RAD21: variants seen among roughly 807,000 people sequenced by gnomAD.
RAD21 encodes double-strand-break repair protein rad21 homolog.
Under a neutral mutation model 71.5 loss-of-function variants are expected in RAD21, and 18 were observed. The ratio of observed to expected loss-of-function variants is 0.25; its 90% CI spans 0.17 to 0.37. The LOEUF (loss-of-function observed/expected upper bound fraction) is 0.37. Ranked by LOEUF, RAD21 falls within the 10% of genes least tolerant of loss-of-function variation. RAD21 has a pLI of 1.00. For missense variants in RAD21, 493 were observed against 769.1 expected (o/e 0.64, Z 4.25); for synonymous variants, 248 against 254.0 (o/e 0.98, Z 0.22).
chr8:116,862,573 C>T (rs1436208507), intron 3 of RAD21, among the ~76,000 whole-genome samples: 2 of 151,950 alleles, frequency 1.3e-5, no homozygotes, highest in East Asian at 1.9e-4. Flanking sequence ...TAATAAAATA[C>T]ACATTATTTT....
Position 116,854,358 on chromosome 8 carries a change from T to C in RAD21, c.1048A>G (p.Thr350Ala), listed in dbSNP as rs755883894. Reference protein sequence around the residue: ...QLSDYSDIVTTLDLAPPTKKL... With the variant: ...QLSDYSDIVTALDLAPPTKKL... ...TTGGTGGGCGGTGCCAGATCCAAAG[T>C]AGTAACAATATCTGAATAATCACTA... The change falls in exon 9 of 14, where the codon ACT becomes GCT. Residue 350 changes from threonine (T) to alanine (A), a missense_variant. Physicochemically the swap from Thr to Ala is moderately conservative, Grantham distance 58. Coordinates refer to ENST00000297338, the MANE Select transcript of RAD21 (RefSeq NM_006265.3). 1 of 1,613,914 alleles carries C rather than the reference T, an allele frequency of 6.2e-7. No homozygotes were observed. The highest frequency in any genetic ancestry group is 1.7e-5 in the Admixed American group (1 of 59,976).
intron 4 of RAD21, among the ~76,000 whole-genome samples, chr8:116,859,184 T>C (rs1296418616): frequency 6.6e-6 from 1 of 151,996 alleles, no homozygotes; most frequent in Non-Finnish European, 1.5e-5. Context: ...CTTGTTTTAC[T>C]GCACTTTGTT....
intron 11 of RAD21, 178 bp downstream of exon 11, chr8:116,851,770 G>C: frequency 1.8e-6 from 1 of 542,456 alleles, no homozygotes; most frequent in Non-Finnish European, 3.1e-6. Flanking sequence ...CCGACTCCCA[G>C]AACATATTCT....
intron 9 of RAD21, among the ~76,000 whole-genome samples, 169 bp from the exon 10 acceptor site, chr8:116,852,877 G>A (rs919578572): frequency 3.3e-5 from 5 of 151,904 alleles, no homozygotes; most frequent in Non-Finnish European, 7.4e-5. Context: ...TTTTAAATGA[G>A]TTTTCAAATT....
chr8:116,862,271 A>T (rs993267487), intron 3 of RAD21, among the ~76,000 whole-genome samples: 3 of 152,096 alleles, frequency 2.0e-5, no homozygotes, highest in African/African-American at 7.2e-5. Flanking sequence ...TAAATGTTAA[A>T]AGGAGCTGGT....
chr8:116,847,254 AATC>A lies in RAD21; in HGVS notation c.*243_*245del. The A allele has an allele frequency of 2.4e-6, 1 of 422,476 alleles. No individual in the cohort carries two copies. Among genetic ancestry groups the A allele is most frequent in the Non-Finnish European group, 4.2e-6 (1 of 236,828 alleles). The allele number at this position is 422,476 out of a possible 1,614,324, so 26.2% of individuals were successfully genotyped here. Reference sequence around the variant, plus strand: ...GCACACATCTGTTCTGAACTGTTAAAATCATCTTCTGAGTCCTTGGGGTGCTGT... The same window carrying A: ...GCACACATCTGTTCTGAACTGTTAAAATCTTCTGAGTCCTTGGGGTGCTGT... On this transcript the variant is annotated 3_prime_UTR_variant, in exon 14 of 14. Coordinates refer to ENST00000297338, the MANE Select transcript of RAD21 (RefSeq NM_006265.3).
Position 116,856,756 on chromosome 8 carries a change from C to T in RAD21, c.704G>A (p.Ser235Asn), listed in dbSNP as rs1307342721. 1 of 1,528,276 alleles carries T rather than the reference C, an allele frequency of 6.5e-7. No individual in the cohort carries two copies. Among genetic ancestry groups the T allele is most frequent in the Non-Finnish European group, 8.8e-7 (1 of 1,135,634 alleles). The allele number at this position is 1,528,276 out of a possible 1,614,324, so 94.7% of individuals were successfully genotyped here. ...DGGILDDKLI[S>N]NNDGGIFDDP... is the part of the protein sequence containing the mutation. ...ATCAAAGATACCGCCATCATTATTACTAATAAGTTTGTCATCTGAAATAGG... is the reference window on the plus strand; with the variant it reads ...ATCAAAGATACCGCCATCATTATTATTAATAAGTTTGTCATCTGAAATAGG... The change falls in exon 7 of 14, where the codon AGT becomes AAT. Residue 235 changes from serine (S) to asparagine (N), a missense_variant. Transcript: ENST00000297338.
chr8:116,849,145 G>A, intron 12 of RAD21, 116 bp from the exon 13 acceptor site: 2 of 655,354 alleles, frequency 3.1e-6, no homozygotes, highest in Non-Finnish European at 4.9e-6. Flanking sequence ...TGAACTAATA[G>A]AAAACTGTAC....
chr8:116,856,088 C>G, intron 8 of RAD21, 78 bp downstream of exon 8: 1 of 1,461,950 alleles, frequency 6.8e-7, no homozygotes, highest in Non-Finnish European at 9.2e-7. Context: ...ACAACAGTAG[C>G]AGATCAGTAG....
intron 3 of RAD21, 146 bp from the exon 4 acceptor site, chr8:116,862,086 T>C: frequency 1.8e-6 from 1 of 567,312 alleles, no homozygotes; most frequent in East Asian, 2.9e-5. Context: ...CACAAGTACT[T>C]CTCTTTTTCC....
At chr8:116,849,335 T>C in intron 12 of RAD21, 1 of 298,344 alleles carries the variant, frequency 3.4e-6, no homozygotes, top group Non-Finnish European at 6.1e-6. Flanking sequence ...CTGCTGATCA[T>C]GGAGGTTTTG....
Position 116,857,352 on chromosome 8 carries a change from A to C in RAD21, c.603T>G (p.Asn201Lys). 1 of 1,612,774 alleles carries C rather than the reference A, an allele frequency of 6.2e-7. No homozygotes were observed. The highest frequency in any genetic ancestry group is 8.5e-7 in the Non-Finnish European group (1 of 1,179,558). Residue 201 changes from asparagine to lysine, a missense_variant, in exon 6 of 14, where the codon AAT becomes AAG. By Grantham distance (94) the Asn-to-Lys change is moderately conservative. Coordinates refer to ENST00000297338, the MANE Select transcript of RAD21 (RefSeq NM_006265.3). ...CTAAATGGTTAATTTTCTCATTCAG[A>C]TTGCTGGTGCTCTGTTCAGACTCTA... ...LLLESEQSTS[N>K]LNEKINHLEY...
chr8:116,860,311 G>A (rs1812563524), intron 4 of RAD21, among the ~76,000 whole-genome samples: 1 of 152,176 alleles, frequency 6.6e-6, no homozygotes, highest in African/African-American at 2.4e-5. Context: ...GGTTGATAAA[G>A]CAGTGGTAGG....
At chr8:116,854,610 G>A (rs1036940868) in intron 8 of RAD21, 142 bp from the exon 9 acceptor site, 7 of 668,998 alleles carry the variant, frequency 1.0e-5, no homozygotes, top group East Asian at 2.7e-5. Context: ...AGGATAGAAC[G>A]TTTTAACTCA....
At chr8:116,855,589 G>T (rs534102497) in intron 8 of RAD21, among the ~76,000 whole-genome samples, 1 of 152,022 alleles carries the variant, frequency 6.6e-6, no homozygotes, top group Non-Finnish European at 1.5e-5. Context: ...GAAGAGACAG[G>T]TCTTACTATA....
At chr8:116,857,606 T>C (rs1338436623) in intron 5 of RAD21, 133 bp from the exon 6 acceptor site, 21 of 779,918 alleles carry the variant, frequency 2.7e-5, no homozygotes, top group Admixed American at 5.9e-5. Context: ...TTAAAATATC[T>C]AGTTTAAACT....
At position 116,846,713 on chromosome 8, in the gene RAD21, A is replaced by G. The variant is rs920394739; in HGVS notation, c.*787T>C. Reference sequence around the variant, plus strand: ...TCAAATATATCCAAACATCTTTTTAAAACTTTGATTTATAGCTCCTAGAAA... The same window carrying G: ...TCAAATATATCCAAACATCTTTTTAGAACTTTGATTTATAGCTCCTAGAAA... On this transcript the variant is annotated 3_prime_UTR_variant, in exon 14 of 14. Coordinates refer to ENST00000297338, the MANE Select transcript of RAD21 (RefSeq NM_006265.3). 1.4e-5 allele frequency: 3 copies of G among 221,400 alleles called. No individual in the cohort carries two copies. The highest frequency in any genetic ancestry group is 2.7e-5 in the Non-Finnish European group (3 of 110,524). The allele number at this position is 221,400 out of a possible 1,614,324, so 13.7% of individuals were successfully genotyped here. A position where few individuals can be genotyped will look rare whatever the true frequency, so the allele number is the denominator to read the frequency against.
At chr8:116,866,253 G>A (rs1436431545) in intron 2 of RAD21, among the ~76,000 whole-genome samples, 1 of 102,722 alleles carries the variant, frequency 9.7e-6, no homozygotes, top group Non-Finnish European at 1.9e-5. Context: ...CTTCCACGTC[G>A]GTTTTTTTTT....
chr8:116,862,242 T>C (rs961885749), intron 3 of RAD21, among the ~76,000 whole-genome samples: 5 of 152,136 alleles, frequency 3.3e-5, no homozygotes, highest in Admixed American at 2.0e-4. Flanking sequence ...GGAAAAAGAA[T>C]AACTGCAGAA....
Sources: gnomAD v4.1 joint callset for allele counts (sites outside exome capture counted in the v4.1 genomes callset) on GRCh38, gnomAD v4.1.1 for gene constraint, MANE v1.5 for transcripts, NCBI Gene and HGNC (gene_info 2026-07-23, HGNC 2026-07-21) for gene names.